The following EPHA3 variants were observed in gnomAD, a reference collection of about 807,000 sequenced individuals.
EPHA3 encodes EPH receptor A3, also known as ephrin type-A receptor 3.
A neutral mutation model predicts 107.1 loss-of-function variants in EPHA3; 42 were observed. The observed-to-expected ratio is 0.39, with a 90% confidence interval of 0.31 to 0.51. The LOEUF (loss-of-function observed/expected upper bound fraction) is 0.51. EPHA3 is among the 20% of genes least tolerant of loss of function. The probability of loss-of-function intolerance (pLI) is 0.78; values close to 1 mark genes in which losing one functional copy is unlikely to be tolerated. For missense variants in EPHA3, 1,183 were observed against 1,211.2 expected (o/e 0.98, Z 0.35); for synonymous variants, 461 against 424.8 (o/e 1.09, Z -1.05).
At chr3:89,274,748 C>T (rs1051380489) in intron 3 of EPHA3, among the ~76,000 whole-genome samples, 2 of 151,864 alleles carry the variant, frequency 1.3e-5, no homozygotes, top group Admixed American at 6.6e-5. Flanking sequence ...GAATGGACAG[C>T]GATTTAGAAT....
chr3:89,113,846 T>G (rs773954104), intron 1 of EPHA3, among the ~76,000 whole-genome samples: 63 of 151,974 alleles, frequency 4.1e-4, no homozygotes, highest in Non-Finnish European at 4.3e-4. Context: ...AGCCAAAAAA[T>G]GCTAAAATGC....
At chr3:89,168,349 ATC>A (rs1310398658) in intron 2 of EPHA3, among the ~76,000 whole-genome samples, 1 of 152,080 alleles carries the variant, frequency 6.6e-6, no homozygotes, top group Non-Finnish European at 1.5e-5. Context: ...TTGTTATTAG[ATC>A]TCTGAAAGTG....
intron 3 of EPHA3, among the ~76,000 whole-genome samples, chr3:89,230,521 T>G (rs2107223613): frequency 6.6e-6 from 1 of 152,190 alleles, no homozygotes; most frequent in South Asian, 2.1e-4. Flanking sequence ...ACTATAAAAC[T>G]TATGGATGAA....
chr3:89,116,763 GAGTT>G (rs1215125868), intron 1 of EPHA3, among the ~76,000 whole-genome samples: 13 of 145,718 alleles, frequency 8.9e-5, no homozygotes, highest in South Asian at 4.4e-4. Flanking sequence ...GTTAACCAAA[GAGTT>G]AGCCATTCTT....
chr3:89,447,708 C>A (rs768378162), intron 13 of EPHA3, among the ~76,000 whole-genome samples: 11 of 152,094 alleles, frequency 7.2e-5, no homozygotes. Flanking sequence ...TTTATTGAGT[C>A]CTTACTATGT....
At chr3:89,425,454 G>A (rs1340983562) in intron 11 of EPHA3, among the ~76,000 whole-genome samples, 12 of 147,862 alleles carry the variant, frequency 8.1e-5, no homozygotes, top group Non-Finnish European at 1.2e-4. Context: ...GATTGCTAGC[G>A]GCTAAGGTCA....
chr3:89,399,887 C>G, intron 7 of EPHA3: 1 of 1,067,522 alleles, frequency 9.4e-7, no homozygotes, highest in Non-Finnish European at 1.1e-6. Context: ...TTGTTTTAAT[C>G]CTTAACACAT....
chr3:89,245,395 G>A (rs909225302), intron 3 of EPHA3, among the ~76,000 whole-genome samples: 1 of 152,066 alleles, frequency 6.6e-6, no homozygotes, highest in African/African-American at 2.4e-5. Flanking sequence ...TCTTCAAAAA[G>A]CATTACGCTA....
chr3:89,327,685 C>G (rs1304144139), intron 3 of EPHA3, among the ~76,000 whole-genome samples: 1 of 151,994 alleles, frequency 6.6e-6, no homozygotes, highest in Non-Finnish European at 1.5e-5. Context: ...TTTTAGGCAT[C>G]TTTTCTGAAG....
intron 3 of EPHA3, among the ~76,000 whole-genome samples, chr3:89,300,180 T>C (rs1481883706): frequency 1.3e-5 from 2 of 152,000 alleles, no homozygotes; most frequent in Non-Finnish European, 2.9e-5. Flanking sequence ...GTCTCAAATC[T>C]CATAATGCAT....
chr3:89,170,503 A>G (rs1705186318), intron 2 of EPHA3, among the ~76,000 whole-genome samples: 1 of 152,168 alleles, frequency 6.6e-6, no homozygotes, highest in African/African-American at 2.4e-5. Context: ...CCACTGGTCT[A>G]TGGAATGCAC....
chr3:89,133,263 A>G lies in EPHA3; in HGVS notation c.153+5990A>G, dbSNP rs1704244785. On this transcript the variant is annotated intron_variant, in intron 2 of 16. Coordinates refer to ENST00000336596, the MANE Select transcript of EPHA3 (RefSeq NM_005233.6). Reference sequence around the variant, plus strand: ...TTCAGAGCCCAATACATTGCCTCTGATGTCACTTCATTTTTATTTCATATA... The same window carrying G: ...TTCAGAGCCCAATACATTGCCTCTGGTGTCACTTCATTTTTATTTCATATA... Among the ~76,000 whole-genome samples the G allele has an allele frequency of 2.0e-5, 3 of 152,160 alleles. No individual in the cohort carries two copies. The South Asian group carries it at 6.2e-4, about 31-fold the overall frequency.
intron 13 of EPHA3, among the ~76,000 whole-genome samples, chr3:89,445,812 A>G (rs758946194): frequency 6.6e-6 from 1 of 152,228 alleles, no homozygotes; most frequent in Non-Finnish European, 1.5e-5. Flanking sequence ...GCCATTTCAC[A>G]GGTATCTACT....
chr3:89,334,466 C>T (rs1000887243), intron 3 of EPHA3, among the ~76,000 whole-genome samples: 2 of 152,154 alleles, frequency 1.3e-5, no homozygotes, highest in African/African-American at 4.8e-5. Flanking sequence ...CAGATTTGGG[C>T]ATACAGGGTA....
intron 5 of EPHA3, among the ~76,000 whole-genome samples, chr3:89,393,158 G>A (rs1050620695): frequency 3.9e-5 from 6 of 152,146 alleles, no homozygotes; most frequent in African/African-American, 1.4e-4. Context: ...TGACTTATTA[G>A]GGGTCCAAAA....
chr3:89,172,449 A>G (rs954964510), intron 2 of EPHA3, among the ~76,000 whole-genome samples: 27 of 152,218 alleles, frequency 1.8e-4, no homozygotes, highest in African/African-American at 6.3e-4. Context: ...CTGTACAGTC[A>G]GGCCTGCGTT....
intron 5 of EPHA3, among the ~76,000 whole-genome samples, chr3:89,378,128 G>A (rs1056289127): frequency 2.6e-5 from 4 of 152,200 alleles, no homozygotes; most frequent in Non-Finnish European, 5.9e-5. Flanking sequence ...GGGGGACTAG[G>A]GGAGGGATAG....
chr3:89,351,411 C>T (rs1365138577), intron 5 of EPHA3, among the ~76,000 whole-genome samples: 8 of 150,714 alleles, frequency 5.3e-5, no homozygotes, highest in African/African-American at 7.3e-5. Context: ...TTCTTTGACT[C>T]GGAAAGGGAA....
intron 1 of EPHA3, among the ~76,000 whole-genome samples, chr3:89,110,900 A>C (rs1454151297): frequency 1.3e-5 from 2 of 152,028 alleles, no homozygotes; most frequent in Non-Finnish European, 2.9e-5. Flanking sequence ...CATTTATGGC[A>C]GTCTGGGGTA....
Sources: allele counts gnomAD v4.1 joint callset (sites outside exome capture counted in the v4.1 genomes callset), GRCh38; gene constraint gnomAD v4.1.1; transcripts MANE v1.5; gene names NCBI Gene and HGNC (gene_info 2026-07-23, HGNC 2026-07-21).